DOCK3: variants seen among roughly 807,000 people sequenced by gnomAD.
DOCK3 encodes the protein dedicator of cytokinesis 3, also known as dedicator of cytokinesis protein 3.
DOCK3 carries 60 observed loss-of-function variants against 265.6 expected under a neutral mutation model. The observed-to-expected ratio is 0.23, with a 90% CI of 0.18 to 0.28. The LOEUF (loss-of-function observed/expected upper bound fraction) is 0.28. DOCK3 is among the 10% of genes least tolerant of loss of function. DOCK3 has a pLI of 1.00. For missense variants in DOCK3, 1,981 were observed against 2,594.3 expected, an observed-to-expected ratio of 0.76 and a Z score of 5.14; for synonymous variants, 881 against 938.0, an observed-to-expected ratio of 0.94 and a Z score of 1.11.
chr3:51,223,182 C>G (rs1443574100), intron 14 of DOCK3, among the ~76,000 whole-genome samples: 1 of 152,168 alleles, frequency 6.6e-6, no homozygotes, highest in East Asian at 1.9e-4. Context: ...ACAATGTGCT[C>G]ACTTCAGCCT....
At chr3:51,270,768 C>G (rs1314844342) in intron 23 of DOCK3, 47 bp from the exon 24 acceptor site, 3 of 1,558,504 alleles carry the variant, frequency 1.9e-6, no homozygotes, top group Non-Finnish European at 2.6e-6. Flanking sequence ...GAAAGATAGA[C>G]ACACACCCTA....
chr3:51,045,533 T>C (rs913973643), intron 5 of DOCK3, among the ~76,000 whole-genome samples: 1 of 152,208 alleles, frequency 6.6e-6, no homozygotes, highest in South Asian at 2.1e-4. Context: ...ATGGAGCTGA[T>C]AGACTCACTT....
chr3:51,329,611 A>G (rs73078616), intron 32 of DOCK3, among the ~76,000 whole-genome samples: 169 of 152,266 alleles, frequency 1.1e-3, no homozygotes, highest in Admixed American at 2.2e-3. Context: ...GTGAGTACAA[A>G]CAGTAGAGCC....
At chr3:50,895,899 C>CT (rs2048871421) in intron 4 of DOCK3, among the ~76,000 whole-genome samples, 1 of 152,118 alleles carries the variant, frequency 6.6e-6, no homozygotes, top group Non-Finnish European at 1.5e-5. Flanking sequence ...GCCACATTTT[C>CT]TTTATCAAGT....
At chr3:50,907,616 C>T (rs1428340963) in intron 4 of DOCK3, among the ~76,000 whole-genome samples, 2 of 152,168 alleles carry the variant, frequency 1.3e-5, no homozygotes, top group East Asian at 3.9e-4. Context: ...GTAGATCTTC[C>T]TCCATCCCTT....
At chr3:51,286,772 A>C (rs575828697) in intron 27 of DOCK3, among the ~76,000 whole-genome samples, 1 of 152,334 alleles carries the variant, frequency 6.6e-6, no homozygotes, top group Admixed American at 6.5e-5. Context: ...CCATATGCAG[A>C]TTGAAACTGG....
intron 5 of DOCK3, among the ~76,000 whole-genome samples, chr3:51,022,812 C>G (rs1193567230): frequency 1.3e-5 from 2 of 152,082 alleles, no homozygotes; most frequent in Non-Finnish European, 2.9e-5. Context: ...TTTACTGTTT[C>G]ACTTCTTAGA....
chr3:50,892,407 G>A (rs1404792891), intron 4 of DOCK3, among the ~76,000 whole-genome samples: 1 of 151,966 alleles, frequency 6.6e-6, no homozygotes, highest in Non-Finnish European at 1.5e-5. Flanking sequence ...TGAAGAAGTC[G>A]CAGTACTCCA....
intron 13 of DOCK3, among the ~76,000 whole-genome samples, chr3:51,212,431 GTT>G (rs1198836971): frequency 3.7e-4 from 41 of 112,198 alleles, no homozygotes; most frequent in Admixed American, 4.5e-4. Context: ...TACACCCACT[GTT>G]TTTTTTTTTT....
intron 5 of DOCK3, among the ~76,000 whole-genome samples, chr3:50,966,662 G>T (rs773695050): frequency 6.6e-5 from 10 of 152,068 alleles, no homozygotes; most frequent in Non-Finnish European, 1.2e-4. Flanking sequence ...GACAGATGTG[G>T]TAAAAGGCAC....
chr3:51,339,791 G>A (rs922328261), intron 37 of DOCK3, among the ~76,000 whole-genome samples: 1 of 152,172 alleles, frequency 6.6e-6, no homozygotes, highest in African/African-American at 2.4e-5. Flanking sequence ...CAGCCATTAT[G>A]TCTTAGCTCT....
In DOCK3 at chr3:51,229,690, A is replaced by G. The variant is rs111534660; in HGVS notation, c.1917+81A>G. 28 of 1,103,172 alleles carry G rather than the reference A, an allele frequency of 2.5e-5. 3 individuals are homozygous for G. In the African/African-American group the frequency reaches 3.2e-4, roughly 13 times the overall value. 68.3% of individuals were successfully genotyped at this position (1,103,172 alleles called of 1,614,324 possible). On this transcript the variant is annotated intron_variant, in intron 19 of 52. Coordinates refer to ENST00000266037, the MANE Select transcript of DOCK3 (RefSeq NM_004947.5). Reference sequence around the variant, plus strand: ...CCTTACTTTGTCATGATTTTTGCCAATAACCGTCTGAGACTGTTTCATCAG... The same window carrying G: ...CCTTACTTTGTCATGATTTTTGCCAGTAACCGTCTGAGACTGTTTCATCAG...
intron 7 of DOCK3, among the ~76,000 whole-genome samples, chr3:51,083,819 C>G (rs894150490): frequency 6.6e-6 from 1 of 151,982 alleles, no homozygotes; most frequent in Admixed American, 6.6e-5. Context: ...CTTGTCTCTA[C>G]TAAAAATAGA....
intron 5 of DOCK3, among the ~76,000 whole-genome samples, chr3:50,941,775 G>A (rs1213498797): frequency 6.6e-6 from 1 of 152,052 alleles, no homozygotes; most frequent in Non-Finnish European, 1.5e-5. Context: ...TCAAGGGCAT[G>A]ATGCTACTTA....
At chr3:51,029,756 G>T (rs2079971515) in intron 5 of DOCK3, among the ~76,000 whole-genome samples, 1 of 152,188 alleles carries the variant, frequency 6.6e-6, no homozygotes, top group Non-Finnish European at 1.5e-5. Context: ...GGGTTGTGGG[G>T]TATGTCTGCT....
intron 5 of DOCK3, among the ~76,000 whole-genome samples, chr3:50,982,659 C>A (rs923378747): frequency 6.6e-6 from 1 of 152,184 alleles, no homozygotes; most frequent in Non-Finnish European, 1.5e-5. Flanking sequence ...GTGCTAGGCT[C>A]CACGGAGCCA....
intron 27 of DOCK3, among the ~76,000 whole-genome samples, chr3:51,289,361 T>C (rs1204968227): frequency 3.9e-5 from 6 of 152,176 alleles, no homozygotes; most frequent in Admixed American, 3.9e-4. Context: ...AAAATGCTAT[T>C]AGTATAAGAT....
At chr3:51,303,281 A>T (rs2082457504) in intron 27 of DOCK3, among the ~76,000 whole-genome samples, 1 of 152,168 alleles carries the variant, frequency 6.6e-6, no homozygotes, top group Non-Finnish European at 1.5e-5. Flanking sequence ...GTTCCTCTCT[A>T]AACTGGCTCT....
intron 5 of DOCK3, among the ~76,000 whole-genome samples, chr3:50,983,325 A>T (rs1020806094): frequency 6.6e-6 from 1 of 152,078 alleles, no homozygotes; most frequent in African/African-American, 2.4e-5. Context: ...CCCCACCTTC[A>T]GGCTAGGGAG....
Sources: allele counts gnomAD v4.1 joint callset (sites outside exome capture counted in the v4.1 genomes callset), GRCh38; gene constraint gnomAD v4.1.1; transcripts MANE v1.5; gene names NCBI Gene and HGNC (gene_info 2026-07-23, HGNC 2026-07-21).